The following PIP5K1B variants were observed in gnomAD, a reference collection of about 807,000 sequenced individuals.
PIP5K1B encodes phosphatidylinositol 4-phosphate 5-kinase type-1 beta.
A neutral mutation model predicts 67.0 loss-of-function variants in PIP5K1B; 42 were observed. The ratio of observed to expected loss-of-function variants is 0.63; its 90% CI spans 0.49 to 0.81. The LOEUF is 0.81. Among genes scored for constraint, PIP5K1B ranks in the 30% least tolerant of loss-of-function variants. The probability of loss-of-function intolerance (pLI) is 0.00; values close to 1 mark genes in which losing one functional copy is unlikely to be tolerated. For missense variants in PIP5K1B, 459 were observed against 646.3 expected, an observed-to-expected ratio of 0.71 and a Z score of 3.14; for synonymous variants, 214 against 231.4, an observed-to-expected ratio of 0.92 and a Z score of 0.68.
In PIP5K1B at chr9:68,798,333, G is replaced by A. The variant is rs1832407011; in HGVS notation, c.-85-20128G>A. Among the ~76,000 whole-genome samples, 4 of 152,172 alleles carry A rather than the reference G, an allele frequency of 2.6e-5. No homozygotes were observed. The South Asian group carries it at 8.3e-4, about 32-fold the overall frequency. On this transcript the variant is annotated intron_variant, in intron 2 of 15. Coordinates refer to ENST00000265382, the MANE Select transcript of PIP5K1B (RefSeq NM_003558.4). ...GACACTGTGGACCAGTCATTGAACTGAATTAACTTTCACTCTAGTTCCTAA... is the reference window on the plus strand; with the variant it reads ...GACACTGTGGACCAGTCATTGAACTAAATTAACTTTCACTCTAGTTCCTAA...
intron 1 of PIP5K1B, among the ~76,000 whole-genome samples, chr9:68,741,153 T>C (rs1828986715): frequency 6.6e-6 from 1 of 152,242 alleles, no homozygotes; most frequent in African/African-American, 2.4e-5. Context: ...CTTCCTTTTT[T>C]CTGAGCAGAT....
At chr9:68,728,286 G>A (rs762304528) in intron 1 of PIP5K1B, among the ~76,000 whole-genome samples, 10 of 152,126 alleles carry the variant, frequency 6.6e-5, no homozygotes, top group Non-Finnish European at 1.0e-4. Flanking sequence ...CCAGTGTCTG[G>A]TGAGGGCTCA....
At chr9:68,732,318 T>A (rs1439466399) in intron 1 of PIP5K1B, among the ~76,000 whole-genome samples, 1 of 152,226 alleles carries the variant, frequency 6.6e-6, no homozygotes, top group African/African-American at 2.4e-5. Context: ...TTCCCTTTAC[T>A]CCAAAGTCTT....
At position 68,920,357 on chromosome 9, in the gene PIP5K1B, G is replaced by C. The variant is rs1286269507; in HGVS notation, c.1116+628G>C. On this transcript the variant is annotated intron_variant, in intron 11 of 15. Transcript: ENST00000265382. ...TTATACATGCTGGCTGCCTGAGGTT[G>C]TCTTTTTTTTTTTTTTTTTTTTTTT... Among the ~76,000 whole-genome samples the C allele has an allele frequency of 1.3e-4, 10 of 79,118 alleles. 3 individuals carry two copies. The highest frequency in any genetic ancestry group is 2.3e-4 in the Non-Finnish European group (9 of 39,628). The allele number at this position is 79,118 out of a possible 152,430, so 51.9% of individuals were successfully genotyped here.
intron 2 of PIP5K1B, among the ~76,000 whole-genome samples, chr9:68,753,427 C>T (rs1186682957): frequency 1.3e-5 from 2 of 150,878 alleles, no homozygotes; most frequent in African/African-American, 4.9e-5. Context: ...GCAACCTCCA[C>T]CTCCCAGGTT....
intron 2 of PIP5K1B, among the ~76,000 whole-genome samples, chr9:68,749,326 G>A (rs1003155058): frequency 2.0e-5 from 3 of 152,164 alleles, no homozygotes; most frequent in Non-Finnish European, 4.4e-5. Flanking sequence ...AAGTGATGTG[G>A]CTACCAGTCA....
intron 4 of PIP5K1B, among the ~76,000 whole-genome samples, chr9:68,843,713 C>G (rs2132165357): frequency 6.6e-6 from 1 of 152,338 alleles, no homozygotes; most frequent in South Asian, 2.1e-4. Flanking sequence ...CACTCTACTC[C>G]TGTTGGGAAA....
intron 14 of PIP5K1B, among the ~76,000 whole-genome samples, chr9:68,958,535 C>G (rs760556208): frequency 2.0e-5 from 3 of 152,200 alleles, no homozygotes; most frequent in East Asian, 3.8e-4. Flanking sequence ...AGAAATTTTT[C>G]TCAGTATTCA....
intron 2 of PIP5K1B, among the ~76,000 whole-genome samples, chr9:68,746,212 A>G (rs528398388): frequency 1.5e-3 from 229 of 151,012 alleles, no homozygotes; most frequent in African/African-American, 5.4e-3. Flanking sequence ...CCGAGTAGCT[A>G]GGACTACAGG....
chr9:68,768,291 A>T (rs1830528572), intron 2 of PIP5K1B, among the ~76,000 whole-genome samples: 1 of 152,216 alleles, frequency 6.6e-6, no homozygotes, highest in South Asian at 2.1e-4. Flanking sequence ...TGTATACATG[A>T]TTTGAAGTTT....
intron 1 of PIP5K1B, among the ~76,000 whole-genome samples, chr9:68,738,872 C>T (rs1390900636): frequency 1.3e-5 from 2 of 152,230 alleles, no homozygotes; most frequent in African/African-American, 2.4e-5. Context: ...CTTGAGCCCA[C>T]TTTGATCTCA....
At chr9:68,836,233 T>G (rs1834601416) in intron 4 of PIP5K1B, among the ~76,000 whole-genome samples, 1 of 152,344 alleles carries the variant, frequency 6.6e-6, no homozygotes, top group East Asian at 1.9e-4. Context: ...TTTAACTTAT[T>G]TATTAATTAT....
chr9:68,742,836 T>C (rs1170768872), intron 2 of PIP5K1B, among the ~76,000 whole-genome samples, 179 bp downstream of exon 2: 2 of 152,084 alleles, frequency 1.3e-5, no homozygotes, highest in African/African-American at 4.8e-5. Context: ...GGAAAATCTT[T>C]TACACAAAAG....
chr9:68,735,633 G>A (rs112453481), intron 1 of PIP5K1B, among the ~76,000 whole-genome samples: 6,689 of 152,168 alleles, frequency 0.044, 189 homozygotes, highest in South Asian at 0.087. Context: ...CAAGTGATCC[G>A]CTTGCCTCAG....
intron 14 of PIP5K1B, among the ~76,000 whole-genome samples, chr9:68,976,228 A>G (rs1252306444): frequency 6.6e-6 from 1 of 152,096 alleles, no homozygotes; most frequent in African/African-American, 2.4e-5. Flanking sequence ...TGTGTCTTAA[A>G]CCTTTATTGG....
intron 2 of PIP5K1B, among the ~76,000 whole-genome samples, chr9:68,748,291 C>T (rs1184096712): frequency 1.3e-5 from 2 of 152,190 alleles, no homozygotes; most frequent in East Asian, 3.8e-4. Flanking sequence ...GAAACTCCAG[C>T]CCCACAGACA....
intron 14 of PIP5K1B, among the ~76,000 whole-genome samples, chr9:68,952,764 C>G (rs1185622967): frequency 6.6e-6 from 1 of 151,896 alleles, no homozygotes; most frequent in African/African-American, 2.4e-5. Flanking sequence ...GATTTCTGAT[C>G]TTCTGTAAAT....
intron 8 of PIP5K1B, among the ~76,000 whole-genome samples, chr9:68,906,925 AGTTT>A (rs1252876028): frequency 1.3e-5 from 2 of 152,068 alleles, no homozygotes; most frequent in Non-Finnish European, 2.9e-5. Flanking sequence ...TTTTTTTTCT[AGTTT>A]GTTAGCAATT....
intron 6 of PIP5K1B, among the ~76,000 whole-genome samples, chr9:68,880,179 A>G (rs556311661): frequency 6.6e-6 from 1 of 152,352 alleles, no homozygotes; most frequent in East Asian, 1.9e-4. Flanking sequence ...TGAGTTGTCC[A>G]TGAGTTGACG....
Sources: gnomAD v4.1 joint callset for allele counts (sites outside exome capture counted in the v4.1 genomes callset) on GRCh38, gnomAD v4.1.1 for gene constraint, MANE v1.5 for transcripts, NCBI Gene and HGNC (gene_info 2026-07-23, HGNC 2026-07-21) for gene names.